The following WNT2B variants were observed in gnomAD, a reference collection of about 807,000 sequenced individuals.
WNT2B encodes Wnt family member 2B.
WNT2B carries 19 observed loss-of-function variants against 40.5 expected under a neutral mutation model. That is an observed-to-expected ratio of 0.47 (90% CI 0.33 to 0.69). The LOEUF is 0.69. Ranked by LOEUF, WNT2B falls within the 30% of genes least tolerant of loss-of-function variation. The pLI is 0.02. For missense variants in WNT2B, 467 were observed against 556.4 expected (o/e 0.84, Z 1.62); for synonymous variants, 220 against 211.9 (o/e 1.04, Z -0.33).
upstream of WNT2B, among the ~76,000 whole-genome samples, chr1:112,505,792 G>A (rs1027311686): frequency 2.0e-5 from 3 of 152,182 alleles, no homozygotes; most frequent in Non-Finnish European, 2.9e-5. Context: ...GATTCCTCCC[G>A]GGGAACTGGG....
At position 112,517,260 on chromosome 1, in the gene WNT2B, A is replaced by G; in HGVS notation, c.821A>G (p.Gln274Arg). 2 of 1,614,222 alleles carry G rather than the reference A, an allele frequency of 1.2e-6. No individual in the cohort carries two copies. Among genetic ancestry groups the G allele is most frequent in the Non-Finnish European group, 1.7e-6 (2 of 1,180,046 alleles). Reference sequence around the variant, plus strand: ...CGGCGACGCTATGATGGGGCTGTGCAGGTGATGGCCACCCAAGATGGTGCC... The same window carrying G: ...CGGCGACGCTATGATGGGGCTGTGCGGGTGATGGCCACCCAAGATGGTGCC... ...YLRRRYDGAV[Q>R]VMATQDGANF... The change falls in exon 4 of 5, where the codon CAG (glutamine) becomes CGG (arginine). Residue 274 changes from glutamine (Q) to arginine (R), a missense_variant. Transcript: ENST00000369684.
At chr1:112,469,910 G>A (rs150376987) in intron 1 of WNT2B, among the ~76,000 whole-genome samples, 172 of 152,206 alleles carry the variant, frequency 1.1e-3, no homozygotes, top group East Asian at 8.1e-3. Flanking sequence ...CGCCGTACCC[G>A]GCCTATTTAT....
At position 112,512,137 on chromosome 1, in the gene WNT2B, C is replaced by G. The variant is rs1375886689; in HGVS notation, c.182+2693C>G. On this transcript the variant is annotated intron_variant, in intron 1 of 4. Coordinates refer to ENST00000369684, the MANE Select transcript of WNT2B (RefSeq NM_024494.3). ...TCTTTAACATACAAACATAAAACAT[C>G]TGCAGATAGGCTGGCAACTGTTGAC... is the stretch of plus-strand genomic sequence containing the variant. Among the ~76,000 whole-genome samples, 9 of 152,016 alleles carry G rather than the reference C, an allele frequency of 5.9e-5. 1 individual carries two copies. The highest frequency in any genetic ancestry group is 3.4e-3 in the Middle Eastern group (1 of 290).
intron 1 of WNT2B, among the ~76,000 whole-genome samples, chr1:112,474,915 C>G (rs1305918859): frequency 1.3e-5 from 2 of 151,972 alleles, no homozygotes; most frequent in East Asian, 3.9e-4. Context: ...AGCTCTCTCT[C>G]TTGCTCCTGC....
In WNT2B at chr1:112,517,111, C is replaced by T. The variant is rs781198278; in HGVS notation, c.682-10C>T. 6.2e-7 allele frequency: 1 copy of T among 1,605,538 alleles called. No individual in the cohort carries two copies. The highest frequency in any genetic ancestry group is 1.7e-5 in the Admixed American group (1 of 59,856). On this transcript the variant is annotated splice_polypyrimidine_tract_variant and intron_variant, in intron 3 of 4. Coordinates refer to ENST00000369684, the MANE Select transcript of WNT2B (RefSeq NM_024494.3). ...CTACTTCTCCCTTAACTGCCTTCCCCCTCCCCCAGGCTGTGCGGCGGTTTC... is the reference window on the plus strand; with the variant it reads ...CTACTTCTCCCTTAACTGCCTTCCCTCTCCCCCAGGCTGTGCGGCGGTTTC...
intron 1 of WNT2B, among the ~76,000 whole-genome samples, chr1:112,496,802 G>A (rs1419767508): frequency 6.6e-6 from 1 of 152,028 alleles, no homozygotes; most frequent in Non-Finnish European, 1.5e-5. Flanking sequence ...GTTTCTCCAT[G>A]TTGGTCAGGC....
rs941225524 is a variant in WNT2B at position 112,523,526 on chromosome 1, A to G, written c.*3017A>G. The G allele has an allele frequency of 6.6e-6, 1 of 152,182 alleles. No homozygotes were observed. The highest frequency in any genetic ancestry group is 2.4e-5 in the African/African-American group (1 of 41,432). The allele number at this position is 152,182 out of a possible 1,614,324, so 9.4% of individuals were successfully genotyped here. ...AAATAGACACTAATTTATTTGGAAC[A>G]AGCAGCAAAATGAGAACTTTATTTG... On this transcript the variant is annotated 3_prime_UTR_variant, in exon 5 of 5. Transcript: ENST00000369684.
At chr1:112,519,392 G>A (rs1052994890) in intron 4 of WNT2B, among the ~76,000 whole-genome samples, 12 of 152,116 alleles carry the variant, frequency 7.9e-5, no homozygotes, top group East Asian at 1.9e-4. Flanking sequence ...TCTATTCTCC[G>A]TTTTGAACCT....
At chr1:112,500,418 C>T (rs1333740772) in intron 1 of WNT2B, among the ~76,000 whole-genome samples, 5 of 151,910 alleles carry the variant, frequency 3.3e-5, no homozygotes, top group Non-Finnish European at 7.4e-5. Context: ...GGGTTATTAT[C>T]GCTAATAATA....
chr1:112,529,781 T>G lies in WNT2B; in HGVS notation c.*9272T>G, dbSNP rs1002094539. 6.7e-6 allele frequency: 1 copy of G among 148,968 alleles called. No homozygotes were observed. The highest frequency in any genetic ancestry group is 1.5e-5 in the Non-Finnish European group (1 of 67,454). 9.2% of individuals were successfully genotyped at this position (148,968 alleles called of 1,614,324 possible). ...AAAAAAAAAAAAAAAAAGGTAACTA[T>G]GCTCATTATTTTCAACCAAGTTCTA... On this transcript the variant is annotated 3_prime_UTR_variant, in exon 5 of 5. Transcript: ENST00000369684.
chr1:112,522,891 G>C lies in WNT2B; in HGVS notation c.*2382G>C, dbSNP rs1369301870. On this transcript the variant is annotated 3_prime_UTR_variant, in exon 5 of 5. Transcript: ENST00000369684. Reference sequence around the variant, plus strand: ...AGCCAATGGTGGGATTAAGGAGGGGGAAATGGGAGGGGAAGAGAACAGCTG... The same window carrying C: ...AGCCAATGGTGGGATTAAGGAGGGGCAAATGGGAGGGGAAGAGAACAGCTG... 1 of 152,282 alleles carries C rather than the reference G, an allele frequency of 6.6e-6. No homozygotes were observed. Among genetic ancestry groups the C allele is most frequent in the Non-Finnish European group, 1.5e-5 (1 of 68,108 alleles). The allele number at this position is 152,282 out of a possible 1,614,324, so 9.4% of individuals were successfully genotyped here.
intron 1 of WNT2B, among the ~76,000 whole-genome samples, chr1:112,469,882 G>T (rs1341714408): frequency 6.6e-6 from 1 of 152,106 alleles, no homozygotes; most frequent in Non-Finnish European, 1.5e-5. Flanking sequence ...CCAAAGTGCT[G>T]GGATTACAGG....
intron 1 of WNT2B, among the ~76,000 whole-genome samples, chr1:112,491,345 T>C (rs1370377384): frequency 3.3e-5 from 5 of 152,146 alleles, no homozygotes; most frequent in Non-Finnish European, 5.9e-5. Context: ...AGGCAGAGGT[T>C]GCAGTGAGCT....
chr1:112,468,770 TG>T (rs769316338), intron 1 of WNT2B, among the ~76,000 whole-genome samples: 2 of 152,200 alleles, frequency 1.3e-5, no homozygotes, highest in Non-Finnish European at 2.9e-5. Flanking sequence ...TTTACTCTGT[TG>T]ATTGTTTCTT....
chr1:112,487,567 C>T (rs1651453962), intron 1 of WNT2B, among the ~76,000 whole-genome samples: 1 of 152,130 alleles, frequency 6.6e-6, no homozygotes, highest in South Asian at 2.1e-4. Flanking sequence ...TTGAATATCT[C>T]ATGTAATTTA....
chr1:112,480,928 G>C (rs1442324094), intron 1 of WNT2B, among the ~76,000 whole-genome samples: 1 of 152,120 alleles, frequency 6.6e-6, no homozygotes, highest in African/African-American at 2.4e-5. Flanking sequence ...CAGCACTTTG[G>C]GAGGCCGAGG....
intron 1 of WNT2B, among the ~76,000 whole-genome samples, chr1:112,470,704 C>T (rs1339410389): frequency 6.6e-6 from 1 of 152,200 alleles, no homozygotes; most frequent in Non-Finnish European, 1.5e-5. Context: ...GGTAGGGTCA[C>T]TGCCCAGGCC....
chr1:112,508,606 T>A (rs1007546653), upstream of WNT2B: 2 of 579,096 alleles, frequency 3.5e-6, no homozygotes, highest in South Asian at 1.5e-4. This position sits in a 1 kb window ranked among gnomAD's most constrained non-coding sequence, Gnocchi z 4.2. Flanking sequence ...TCACTGTAGG[T>A]TGGGGACAGG....
rs893292940 is a variant in WNT2B, at chr1:112,524,207, A to G, written c.*3698A>G. 1.2e-4 allele frequency: 18 copies of G among 152,594 alleles called. No individual in the cohort carries two copies. Among genetic ancestry groups the G allele is most frequent in the African/African-American group, 4.1e-4 (17 of 41,440 alleles). The allele number at this position is 152,594 out of a possible 1,614,324, so 9.5% of individuals were successfully genotyped here. A position where few individuals can be genotyped will look rare whatever the true frequency, so the allele number is the denominator to read the frequency against. ...CTTTGCCAAATTCTCAGACCCACTC[A>G]GGACACGAGTCTCTACATGGCTTAA... On this transcript the variant is annotated 3_prime_UTR_variant, in exon 5 of 5. Transcript: ENST00000369684.
Sources: allele counts gnomAD v4.1 joint callset (sites outside exome capture counted in the v4.1 genomes callset), GRCh38; gene constraint gnomAD v4.1.1; non-coding constraint Gnocchi (gnomAD v3.1); transcripts MANE v1.5; gene names NCBI Gene and HGNC (gene_info 2026-07-23, HGNC 2026-07-21).